The following DGCR2 variants were observed in gnomAD, a reference collection of about 807,000 sequenced individuals.
DGCR2 encodes the protein integral membrane protein DGCR2/IDD.
DGCR2 carries 24 observed loss-of-function variants against 51.6 expected under a neutral mutation model. The observed-to-expected ratio is 0.47, with a 90% confidence interval of 0.34 to 0.65. DGCR2 has a LOEUF of 0.65. Ranked by LOEUF, DGCR2 falls within the 30% of genes least tolerant of loss-of-function variation. The pLI is 0.01. For missense variants in DGCR2, 765 were observed against 772.1 expected (o/e 0.99, Z 0.11); for synonymous variants, 340 against 315.4 (o/e 1.08, Z -0.82).
chr22:19,057,059 G>A lies in DGCR2; in HGVS notation c.729C>T (p.Thr243=). The part of the protein sequence containing the change: ...CAQLQCFHFP[T]LRHHDLHSWH... ...AGCTGTGGAGGTCGTGGTGCCGCAGGGTGGGGAAATGGAAGCACTGAAGCT... is the reference window on the plus strand; with the variant it reads ...AGCTGTGGAGGTCGTGGTGCCGCAGAGTGGGGAAATGGAAGCACTGAAGCT... Residue 243 remains threonine (T), a synonymous_variant, in exon 6 of 10, where the codon ACC becomes ACT. Coordinates refer to ENST00000263196, the MANE Select transcript of DGCR2 (RefSeq NM_005137.3). The surrounding 1 kb of genome is among the most constrained non-coding windows in gnomAD (Gnocchi z 5.1). 1 of 1,600,820 alleles carries A rather than the reference G, an allele frequency of 6.2e-7. No homozygotes were observed. The highest frequency in any genetic ancestry group is 8.5e-7 in the Non-Finnish European group (1 of 1,173,820).
chr22:19,094,969 G>C (rs754493694), intron 1 of DGCR2, among the ~76,000 whole-genome samples: 20 of 151,988 alleles, frequency 1.3e-4, no homozygotes, highest in Non-Finnish European at 2.4e-4. Context: ...ATGGGGGTGG[G>C]AGGGATTACA....
chr22:19,047,845 T>G (rs180724352), intron 7 of DGCR2: 359 of 154,562 alleles, frequency 2.3e-3, no homozygotes, highest in African/African-American at 8.2e-3. Context: ...CAACTGTCAC[T>G]ACCCTCCATA....
intron 8 of DGCR2, chr22:19,041,543 G>GACACTTCTGTCAGACCCAGCCTCTGGCTC: frequency 1.6e-6 from 1 of 606,448 alleles, no homozygotes; most frequent in Non-Finnish European, 2.9e-6. Flanking sequence ...GCCTCTGGCT[G>GACACTTCTGTCAGACCCAGCCTCTGGCTC]ACCACACCCC....
At chr22:19,079,723 C>T (rs2082915510) in intron 2 of DGCR2, among the ~76,000 whole-genome samples, 1 of 152,240 alleles carries the variant, frequency 6.6e-6, no homozygotes, top group Admixed American at 6.5e-5. Flanking sequence ...AGGATCACAG[C>T]CAGTAAGTGG....
intron 7 of DGCR2, among the ~76,000 whole-genome samples, chr22:19,043,732 C>A (rs150696538): frequency 6.6e-4 from 101 of 152,268 alleles, no homozygotes; most frequent in Middle Eastern, 3.4e-3. Context: ...GGAGACACTT[C>A]ACAACCCCCG....
At position 19,036,372 on chromosome 22, in the gene DGCR2, A is replaced by G. The variant is rs2082368694; in HGVS notation, c.*2493T>C. 1 of 152,514 alleles carries G rather than the reference A, an allele frequency of 6.6e-6. No individual in the cohort carries two copies. 9.4% of individuals were successfully genotyped at this position (152,514 alleles called of 1,614,324 possible). A position where few individuals can be genotyped will look rare whatever the true frequency, so the allele number is the denominator to read the frequency against. On this transcript the variant is annotated 3_prime_UTR_variant, in exon 10 of 10. Transcript: ENST00000263196. ...GTTAGTGTCAACCCAACCAAAAACTAAAAACCCTTAATGAAAACATAAAAA... is the reference window on the plus strand; with the variant it reads ...GTTAGTGTCAACCCAACCAAAAACTGAAAACCCTTAATGAAAACATAAAAA...
In DGCR2 at chr22:19,038,279, G is replaced by C. The variant is rs536593443; in HGVS notation, c.*586C>G. Reference sequence around the variant, plus strand: ...AGAGCCCCAGGGGAGCTCCCAGCCAGGGGCAGGGTCACCTTGATATTCACA... The same window carrying C: ...AGAGCCCCAGGGGAGCTCCCAGCCACGGGCAGGGTCACCTTGATATTCACA... On this transcript the variant is annotated 3_prime_UTR_variant, in exon 10 of 10. Transcript: ENST00000263196. 1 of 153,082 alleles carries C rather than the reference G, an allele frequency of 6.5e-6. No homozygotes were observed. Among genetic ancestry groups the C allele is most frequent in the South Asian group, 2.0e-4 (1 of 4,884 alleles). The allele number at this position is 153,082 out of a possible 1,614,324, so 9.5% of individuals were successfully genotyped here. A position where few individuals can be genotyped will look rare whatever the true frequency, so the allele number is the denominator to read the frequency against.
chr22:19,108,031 A>T (rs1194824973), intron 1 of DGCR2, among the ~76,000 whole-genome samples: 4 of 152,164 alleles, frequency 2.6e-5, no homozygotes, highest in African/African-American at 9.7e-5. Flanking sequence ...TCCTTCCATG[A>T]ACACCGCCGT....
chr22:19,045,260 G>C (rs1249794333), intron 7 of DGCR2: 1 of 152,230 alleles, frequency 6.6e-6, no homozygotes, highest in Non-Finnish European at 1.5e-5. Flanking sequence ...AGATTAGGCT[G>C]GTCTGAAGGT....
Position 19,038,774 on chromosome 22 carries a change from C to T in DGCR2, c.*91G>A. On this transcript the variant is annotated 3_prime_UTR_variant, in exon 10 of 10. Transcript: ENST00000263196. ...CGTGCGGCAGTGCGTGGCGTCCAGG[C>T]TGGGACAGGGGCCTTTCAAGTCTCC... 1 of 1,526,316 alleles carries T rather than the reference C, an allele frequency of 6.6e-7. No individual in the cohort carries two copies. 94.5% of individuals were successfully genotyped at this position (1,526,316 alleles called of 1,614,324 possible). A position where few individuals can be genotyped will look rare whatever the true frequency, so the allele number is the denominator to read the frequency against.
chr22:19,115,968 T>A (rs759960176), intron 1 of DGCR2, among the ~76,000 whole-genome samples: 1 of 152,190 alleles, frequency 6.6e-6, no homozygotes, highest in Non-Finnish European at 1.5e-5. Flanking sequence ...TGATGAAGAG[T>A]TTGCTTTATG....
intron 2 of DGCR2, among the ~76,000 whole-genome samples, chr22:19,084,211 C>T (rs2146001634): frequency 6.6e-6 from 1 of 152,030 alleles, no homozygotes; most frequent in Non-Finnish European, 1.5e-5. Context: ...CCCCTCTGAC[C>T]GGCCGCCCAG....
chr22:19,051,256 A>G (rs1264687795), intron 6 of DGCR2, among the ~76,000 whole-genome samples: 1 of 151,768 alleles, frequency 6.6e-6, no homozygotes, highest in African/African-American at 2.4e-5. Flanking sequence ...CATTAAAATT[A>G]AGAACTTTTG....
intron 1 of DGCR2, among the ~76,000 whole-genome samples, chr22:19,114,380 T>C (rs2083351739): frequency 6.6e-6 from 1 of 152,278 alleles, no homozygotes; most frequent in Non-Finnish European, 1.5e-5. Flanking sequence ...CATGCTGGTC[T>C]AGCAGGCATC....
rs985193001 is a variant in DGCR2, at chr22:19,052,980, T to C, written c.802+4006A>G. Among the ~76,000 whole-genome samples the C allele has an allele frequency of 2.6e-5, 4 of 152,162 alleles. No individual in the cohort carries two copies. In the East Asian group the frequency reaches 7.7e-4, roughly 29 times the overall value. ...GACCTACCACTTCTGTAGCAACCAG[T>C]CTAGGGCAGTCAGGATCTGGCCAGT... On this transcript the variant is annotated intron_variant, in intron 6 of 9. Transcript: ENST00000263196.
In DGCR2 at chr22:19,064,952, C is replaced by T. The variant is rs773095085; in HGVS notation, c.444G>A (p.Leu148=). ...YWDAAQTCQR[L]NGSLATFSTD... ...TGGAGAAGGTGGCGAGAGAGCCATTCAGGCGCTGGCAGGTCTGCGCGGCAT... is the reference window on the plus strand; with the variant it reads ...TGGAGAAGGTGGCGAGAGAGCCATTTAGGCGCTGGCAGGTCTGCGCGGCAT... Residue 148 remains leucine (L), a synonymous_variant, in exon 4 of 10, where the codon CTG becomes CTA. Transcript: ENST00000263196. 7 of 1,614,038 alleles carry T rather than the reference C, an allele frequency of 4.3e-6. No homozygotes were observed. In the South Asian group the frequency reaches 6.6e-5, roughly 15 times the overall value.
chr22:19,075,118 T>C (rs1224678873), intron 2 of DGCR2, among the ~76,000 whole-genome samples: 4 of 152,170 alleles, frequency 2.6e-5, no homozygotes, highest in Non-Finnish European at 2.9e-5. Context: ...TCTGAACTCA[T>C]TTTTAACCAC....
intron 2 of DGCR2, among the ~76,000 whole-genome samples, chr22:19,082,471 G>A (rs151170074): frequency 2.0e-5 from 3 of 152,052 alleles, no homozygotes; most frequent in African/African-American, 7.2e-5. Context: ...CCAGAGGCTA[G>A]GTATGGTGGC....
intron 6 of DGCR2, among the ~76,000 whole-genome samples, chr22:19,051,240 G>C (rs2082545763): frequency 6.8e-6 from 1 of 146,696 alleles, no homozygotes; most frequent in Non-Finnish European, 1.5e-5. Context: ...GAAATAACTA[G>C]GACTTCATTA....
Sources: gnomAD v4.1 joint callset for allele counts (sites outside exome capture counted in the v4.1 genomes callset) on GRCh38, gnomAD v4.1.1 for gene constraint, Gnocchi (gnomAD v3.1) non-coding constraint, MANE v1.5 for transcripts, NCBI Gene and HGNC (gene_info 2026-07-23, HGNC 2026-07-21) for gene names.